The following PTPRN2 variants were observed in gnomAD, a reference collection of about 807,000 sequenced individuals.
The protein encoded by PTPRN2 is protein tyrosine phosphatase receptor type N2.
Under a neutral mutation model 118.8 loss-of-function variants are expected in PTPRN2, and 74 were observed. The observed-to-expected ratio is 0.62, with a 90% CI of 0.52 to 0.76. PTPRN2 has a LOEUF of 0.76. PTPRN2 is among the 30% of genes least tolerant of loss of function. The pLI, the probability that PTPRN2 is intolerant of heterozygous loss-of-function variation, is 0.00. For missense variants in PTPRN2, 1,481 were observed against 1,394.4 expected, an observed-to-expected ratio of 1.06 and a Z score of -0.99; for synonymous variants, 641 against 608.0, an observed-to-expected ratio of 1.05 and a Z score of -0.80.
chr7:158,472,970 C>A (rs188425482), intron 2 of PTPRN2, among the ~76,000 whole-genome samples: 8 of 144,614 alleles, frequency 5.5e-5, no homozygotes, highest in African/African-American at 1.8e-4. Context: ...CACTGCTGAG[C>A]CACTGAGATT....
In PTPRN2 at chr7:158,570,933, G is replaced by A. The variant is rs969072530; in HGVS notation, c.112+16625C>T. ...CTCTGCTCAGAAGCCCACCCCTGCA[G>A]AGCAAAGCCCGGGTCCCGGATGGCA... On this transcript the variant is annotated intron_variant, in intron 1 of 22. Transcript: ENST00000389418. This position sits in a 1 kb window ranked among gnomAD's most constrained non-coding sequence, Gnocchi z 4.5. 1.3e-5 allele frequency among the ~76,000 whole-genome samples: 2 copies of A among 152,244 alleles called. No individual in the cohort carries two copies. The highest frequency in any genetic ancestry group is 1.3e-4 in the Admixed American group (2 of 15,286).
intron 5 of PTPRN2, among the ~76,000 whole-genome samples, chr7:158,174,728 GA>G (rs1824031440): frequency 6.6e-6 from 1 of 152,198 alleles, no homozygotes; most frequent in Non-Finnish European, 1.5e-5. Flanking sequence ...GAAAGGGTCA[GA>G]AAAGCAATCC....
At chr7:158,558,719 G>A (rs1309351574) in intron 1 of PTPRN2, among the ~76,000 whole-genome samples, 1 of 148,648 alleles carries the variant, frequency 6.7e-6, no homozygotes, top group Non-Finnish European at 1.5e-5. Context: ...GCCAAGCCAG[G>A]CAGGTCCTTG....
intron 2 of PTPRN2, among the ~76,000 whole-genome samples, chr7:158,320,190 T>TACAC (rs1563134204): frequency 1.8e-4 from 4 of 22,246 alleles, no homozygotes; most frequent in Admixed American, 1.7e-3. Flanking sequence ...GCCTCCCTCG[T>TACAC]ACACACACAG....
chr7:158,125,952 G>T (rs1817624747), intron 9 of PTPRN2, among the ~76,000 whole-genome samples: 1 of 152,186 alleles, frequency 6.6e-6, no homozygotes. Flanking sequence ...AGGGGCTCCT[G>T]AGCGGTGAGG....
chr7:158,343,589 C>T (rs550702843), intron 2 of PTPRN2, among the ~76,000 whole-genome samples: 9 of 149,366 alleles, frequency 6.0e-5, no homozygotes, highest in Admixed American at 2.0e-4. Context: ...CGCAGAGGCT[C>T]AGGCAGCCAT....
intron 2 of PTPRN2, among the ~76,000 whole-genome samples, chr7:158,342,303 C>T (rs112854146): frequency 6.5e-5 from 9 of 137,956 alleles, no homozygotes; most frequent in Non-Finnish European, 1.2e-4. Flanking sequence ...CACCCGCAGA[C>T]GTCACTCACA....
intron 16 of PTPRN2, among the ~76,000 whole-genome samples, chr7:157,597,124 A>C (rs1014389132): frequency 2.0e-5 from 3 of 152,200 alleles, no homozygotes; most frequent in Non-Finnish European, 4.4e-5. Context: ...AAGAGGGGCG[A>C]GCATAAAGGA....
chr7:158,244,723 T>C (rs1470588160), intron 3 of PTPRN2, among the ~76,000 whole-genome samples: 1 of 59,234 alleles, frequency 1.7e-5, no homozygotes, highest in Non-Finnish European at 3.3e-5. Flanking sequence ...TGTGTTAGAG[T>C]GAAAGTGTGT....
At chr7:158,266,706 G>A (rs1295241776) in intron 3 of PTPRN2, among the ~76,000 whole-genome samples, 1 of 152,178 alleles carries the variant, frequency 6.6e-6, no homozygotes, top group African/African-American at 2.4e-5. Context: ...CCACTTCCCG[G>A]CTTTAACCTG....
intron 14 of PTPRN2, among the ~76,000 whole-genome samples, chr7:157,651,747 G>A (rs144299322): frequency 2.6e-5 from 4 of 152,248 alleles, no homozygotes; most frequent in Non-Finnish European, 5.9e-5. Context: ...TGATTAACAC[G>A]CAGCCGCTTT....
chr7:158,498,927 G>A (rs1004748776), intron 1 of PTPRN2, among the ~76,000 whole-genome samples: 3 of 152,332 alleles, frequency 2.0e-5, no homozygotes, highest in Non-Finnish European at 2.9e-5. Context: ...CATGGCACAC[G>A]TGAACCACAC....
chr7:158,288,094 TTTTA>T (rs1280798274), intron 3 of PTPRN2, among the ~76,000 whole-genome samples: 1 of 152,160 alleles, frequency 6.6e-6, no homozygotes, highest in Non-Finnish European at 1.5e-5. Flanking sequence ...ATGAAGTCTA[TTTTA>T]TTTAAGTATA....
At chr7:158,235,681 G>A (rs560806896) in intron 3 of PTPRN2, among the ~76,000 whole-genome samples, 1 of 152,156 alleles carries the variant, frequency 6.6e-6, no homozygotes, top group Admixed American at 6.5e-5. Flanking sequence ...TAGATCAACA[G>A]GGTGACTAGA....
At chr7:158,558,860 T>C (rs1272266216) in intron 1 of PTPRN2, among the ~76,000 whole-genome samples, 2 of 149,880 alleles carry the variant, frequency 1.3e-5, no homozygotes, top group Non-Finnish European at 2.9e-5. Flanking sequence ...CACCAAGAGA[T>C]GAGGCCCAGA....
chr7:157,555,311 A>G (rs547160572), intron 21 of PTPRN2, among the ~76,000 whole-genome samples: 43 of 152,378 alleles, frequency 2.8e-4, no homozygotes, highest in African/African-American at 9.1e-4. Context: ...TAACCATTAA[A>G]CAAAAGCCAT....
intron 12 of PTPRN2, among the ~76,000 whole-genome samples, chr7:157,855,510 A>G (rs1809645756): frequency 6.6e-6 from 1 of 152,244 alleles, no homozygotes; most frequent in African/African-American, 2.4e-5. Context: ...TCCTACAGCG[A>G]CCCTGGACAG....
At chr7:157,716,665 C>G (rs1798930588) in intron 12 of PTPRN2, among the ~76,000 whole-genome samples, 1 of 70,508 alleles carries the variant, frequency 1.4e-5, no homozygotes, top group Non-Finnish European at 2.6e-5. Flanking sequence ...ACTGCCTGGC[C>G]ACGTAGACTC....
chr7:158,525,300 C>T lies in PTPRN2; in HGVS notation c.113-35515G>A, dbSNP rs1824687102. 6.6e-6 allele frequency among the ~76,000 whole-genome samples: 1 copy of T among 152,184 alleles called. No homozygotes were observed. Among genetic ancestry groups the T allele is most frequent in the Admixed American group, 6.5e-5 (1 of 15,278 alleles). ...GCATCTGCCAAGGAGAACACACGGC[C>T]CCCTAATGTGCAACAAAACCGTGAG... On this transcript the variant is annotated intron_variant, in intron 1 of 22. Coordinates refer to ENST00000389418, the MANE Select transcript of PTPRN2 (RefSeq NM_002847.5). This position sits in a 1 kb window ranked among gnomAD's most constrained non-coding sequence, Gnocchi z 4.1.
Sources: gnomAD v4.1 joint callset for allele counts (sites outside exome capture counted in the v4.1 genomes callset) on GRCh38, gnomAD v4.1.1 for gene constraint, Gnocchi (gnomAD v3.1) non-coding constraint, MANE v1.5 for transcripts, NCBI Gene and HGNC (gene_info 2026-07-23, HGNC 2026-07-21) for gene names.